The following GAS7 variants were observed in gnomAD, a reference collection of about 807,000 sequenced individuals.
GAS7 encodes growth arrest-specific protein 7.
Under a neutral mutation model 71.1 loss-of-function variants are expected in GAS7, and 28 were observed. The observed-to-expected ratio is 0.39, with a 90% CI of 0.29 to 0.54. The LOEUF (loss-of-function observed/expected upper bound fraction) is 0.54, where lower values mean the gene tolerates loss of function less well. Ranked by LOEUF, GAS7 falls within the 20% of genes least tolerant of loss-of-function variation. The pLI is 0.62. For synonymous variants in GAS7, 258 were observed against 245.8 expected, an observed-to-expected ratio of 1.05 and a Z score of -0.46; for missense variants, 436 against 627.8, an observed-to-expected ratio of 0.69 and a Z score of 3.27.
intron 1 of GAS7, among the ~76,000 whole-genome samples, chr17:10,173,507 G>A (rs1567620011): frequency 2.0e-5 from 3 of 151,494 alleles, no homozygotes; most frequent in South Asian, 2.1e-4. Flanking sequence ...GGTGGCTCAC[G>A]CCTATAATTC....
chr17:10,007,840 A>G (rs187811338), intron 2 of GAS7, among the ~76,000 whole-genome samples: 2 of 152,098 alleles, frequency 1.3e-5, no homozygotes, highest in East Asian at 3.9e-4. Context: ...ATTTTAAAAC[A>G]TTTTTATTGT....
In GAS7 at chr17:10,019,764, G is replaced by A. The variant is rs370012154; in HGVS notation, c.304+13C>T. ...GGGGGTTGGTGCAGGATTCTCCCCC[G>A]AGCGGGACTCACCATTGGTGGTCGT... On this transcript the variant is annotated intron_variant, in intron 2 of 13. Transcript: ENST00000432992. 34 of 1,610,982 alleles carry A rather than the reference G, an allele frequency of 2.1e-5. No homozygotes were observed. The highest frequency in any genetic ancestry group is 1.3e-4 in the East Asian group (6 of 44,812).
intron 2 of GAS7, among the ~76,000 whole-genome samples, chr17:10,016,602 C>CA (rs1158379710): frequency 0.053 from 4,493 of 84,466 alleles, 154 homozygotes; most frequent in Non-Finnish European, 0.08. Context: ...CTGTCTCTAC[C>CA]AAAAAAAAAA....
chr17:10,012,165 C>G (rs939143587), intron 2 of GAS7, among the ~76,000 whole-genome samples: 5 of 152,134 alleles, frequency 3.3e-5, no homozygotes, highest in South Asian at 2.1e-4. Flanking sequence ...TCCCTAATGT[C>G]CAAATGGTAA....
chr17:10,154,362 G>C (rs1176080436), intron 1 of GAS7, among the ~76,000 whole-genome samples: 3 of 151,934 alleles, frequency 2.0e-5, no homozygotes, highest in African/African-American at 7.3e-5. Context: ...AATTTAGCCA[G>C]GCATGGTAGC....
intron 4 of GAS7, among the ~76,000 whole-genome samples, chr17:9,961,263 A>G (rs1314605277): frequency 2.0e-5 from 3 of 152,100 alleles, no homozygotes; most frequent in Non-Finnish European, 2.9e-5. Context: ...GGCCCACCCT[A>G]TACCTTCCCA....
rs191402817 is a variant in GAS7, at chr17:10,155,912, T to C, written c.183+42296A>G. Among the ~76,000 whole-genome samples, 130 of 152,308 alleles carry C rather than the reference T, an allele frequency of 8.5e-4. 1 individual carries two copies. Among genetic ancestry groups the C allele is most frequent in the Admixed American group, 7.3e-3 (111 of 15,286 alleles). ...CAGCTAGTAAGTAGTACAGCTGGCA[T>C]TGACACCCCGCACTCTCTGAACCAC... On this transcript the variant is annotated intron_variant, in intron 1 of 13. Transcript: ENST00000432992.
intron 1 of GAS7, among the ~76,000 whole-genome samples, chr17:10,031,350 C>T (rs1376709349): frequency 1.3e-5 from 2 of 152,194 alleles, no homozygotes; most frequent in African/African-American, 4.8e-5. Flanking sequence ...CAACGCAGTC[C>T]CTGCAGCAAG....
intron 1 of GAS7, among the ~76,000 whole-genome samples, chr17:10,094,497 C>T (rs562987965): frequency 6.6e-6 from 1 of 152,156 alleles, no homozygotes; most frequent in African/African-American, 2.4e-5. Context: ...GAGACAGAGT[C>T]TTGCTCTGTA....
intron 1 of GAS7, among the ~76,000 whole-genome samples, chr17:10,142,718 C>T (rs1266289494): frequency 6.6e-6 from 1 of 152,152 alleles, no homozygotes; most frequent in Non-Finnish European, 1.5e-5. Flanking sequence ...ATAACTCTTA[C>T]AGAAAAAGAT....
At chr17:10,005,783 C>T (rs1032438697) in intron 2 of GAS7, among the ~76,000 whole-genome samples, 5 of 152,130 alleles carry the variant, frequency 3.3e-5, no homozygotes, top group African/African-American at 1.2e-4. Flanking sequence ...CTCCTGGATT[C>T]CAGAGGTCCT....
intron 1 of GAS7, among the ~76,000 whole-genome samples, chr17:10,099,764 G>A (rs2073680603): frequency 6.6e-6 from 1 of 152,106 alleles, no homozygotes; most frequent in Admixed American, 6.5e-5. Flanking sequence ...GTCCTTAGGT[G>A]CCCTCTGCCC....
intron 4 of GAS7, among the ~76,000 whole-genome samples, chr17:9,965,534 GAGAGCATTAGGACA>G (rs1356055304): frequency 6.6e-5 from 10 of 152,266 alleles, no homozygotes; most frequent in African/African-American, 2.4e-4. Context: ...TAAGAGGAGG[GAGAGCATTAGGACA>G]AATACCTACT....
At chr17:10,012,418 G>T (rs1426145017) in intron 2 of GAS7, among the ~76,000 whole-genome samples, 1 of 152,060 alleles carries the variant, frequency 6.6e-6, no homozygotes, top group Non-Finnish European at 1.5e-5. Flanking sequence ...CTCCCAAGTA[G>T]CTGGGACTAC....
intron 1 of GAS7, among the ~76,000 whole-genome samples, chr17:10,167,409 A>C (rs1476438976): frequency 6.6e-6 from 1 of 152,124 alleles, no homozygotes; most frequent in African/African-American, 2.4e-5. Context: ...GTTTTCTCAT[A>C]GCTAGAGTAG....
intron 2 of GAS7, among the ~76,000 whole-genome samples, chr17:10,001,333 T>A (rs2071261465): frequency 6.6e-6 from 1 of 152,160 alleles, no homozygotes; most frequent in Non-Finnish European, 1.5e-5. Context: ...ATAAACGTAA[T>A]ACAGGTCCAG....
At chr17:10,138,969 A>T (rs1424716844) in intron 1 of GAS7, among the ~76,000 whole-genome samples, 1 of 152,226 alleles carries the variant, frequency 6.6e-6, no homozygotes, top group Non-Finnish European at 1.5e-5. Context: ...AGATGCTGAC[A>T]AGACATCATT....
chr17:10,070,823 C>G (rs1415219431), intron 1 of GAS7, among the ~76,000 whole-genome samples: 2 of 151,998 alleles, frequency 1.3e-5, no homozygotes, highest in Admixed American at 6.6e-5. Context: ...GGGGACATCA[C>G]AACCTATGGG....
At chr17:10,191,052 G>T (rs182794844) in intron 1 of GAS7, among the ~76,000 whole-genome samples, 33 of 151,916 alleles carry the variant, frequency 2.2e-4, no homozygotes, top group Admixed American at 5.2e-4. Context: ...GCGCATGCCC[G>T]TAATCCCAGC....
Sources: allele counts gnomAD v4.1 joint callset (sites outside exome capture counted in the v4.1 genomes callset), GRCh38; gene constraint gnomAD v4.1.1; transcripts MANE v1.5; gene names NCBI Gene and HGNC (gene_info 2026-07-23, HGNC 2026-07-21).